Variants in VPS13B observed in about 807,000 individuals in gnomAD.
The protein encoded by VPS13B is intermembrane lipid transfer protein VPS13B.
VPS13B carries 285 observed loss-of-function variants against 426.4 expected under a neutral mutation model. That is an observed-to-expected ratio of 0.67 (90% confidence interval 0.61 to 0.74). VPS13B has a LOEUF of 0.74. VPS13B is among the 30% of genes least tolerant of loss of function. VPS13B has a pLI of 0.00. For missense variants in VPS13B, 4,537 were observed against 4,782.6 expected, an observed-to-expected ratio of 0.95 and a Z score of 1.51; for synonymous variants, 1,676 against 1,676.4, an observed-to-expected ratio of 1.00 and a Z score of 0.01.
chr8:99,242,126 G>A (rs1338935792), intron 17 of VPS13B, among the ~76,000 whole-genome samples: 3 of 151,988 alleles, frequency 2.0e-5, no homozygotes, highest in East Asian at 1.9e-4. Flanking sequence ...GATTACAGGC[G>A]TCCGCCACCA....
At chr8:99,859,665 CTACTTGCCTCTGGTGTG>C (rs1243541601) in intron 57 of VPS13B, among the ~76,000 whole-genome samples, 185 bp downstream of exon 57, 2 of 152,104 alleles carry the variant, frequency 1.3e-5, no homozygotes, top group African/African-American at 4.8e-5. Flanking sequence ...GAACAGATCA[CTACTTGCCTCTGGTGTG>C]TGAAAATGTT....
chr8:99,642,603 C>A (rs1829414170), intron 34 of VPS13B, 105 bp downstream of exon 34: 2 of 990,496 alleles, frequency 2.0e-6, no homozygotes, highest in Non-Finnish European at 1.5e-6. Flanking sequence ...AGACAAAAGT[C>A]TTTTCTCTAC....
chr8:99,160,106 G>A (rs914575100), intron 15 of VPS13B, among the ~76,000 whole-genome samples: 8 of 152,130 alleles, frequency 5.3e-5, no homozygotes, highest in East Asian at 1.9e-4. Context: ...TTGTATTGTG[G>A]TGATGTGGAA....
intron 17 of VPS13B, among the ~76,000 whole-genome samples, chr8:99,205,303 A>G (rs976092494): frequency 2.0e-5 from 3 of 152,252 alleles, no homozygotes; most frequent in Admixed American, 6.5e-5. Context: ...GAGCTGAACA[A>G]TGGAAACACA....
intron 19 of VPS13B, among the ~76,000 whole-genome samples, chr8:99,311,228 C>T (rs890586284): frequency 2.0e-5 from 3 of 152,110 alleles, no homozygotes; most frequent in African/African-American, 7.2e-5. Flanking sequence ...AATGTGTTTG[C>T]TCTTGCTTCT....
At chr8:99,056,768 CTCTA>C (rs979743907) in intron 3 of VPS13B, among the ~76,000 whole-genome samples, 6 of 152,068 alleles carry the variant, frequency 3.9e-5, no homozygotes, top group African/African-American at 1.2e-4. Flanking sequence ...TTGTTTAATG[CTCTA>C]TCTTTGTGCT....
intron 3 of VPS13B, among the ~76,000 whole-genome samples, chr8:99,080,084 A>G (rs1192333118): frequency 6.6e-6 from 1 of 150,870 alleles, no homozygotes; most frequent in Non-Finnish European, 1.5e-5. Flanking sequence ...TATAACATTA[A>G]TGTTTCTTTT....
intron 39 of VPS13B, among the ~76,000 whole-genome samples, chr8:99,735,975 G>A (rs1833811227): frequency 6.6e-6 from 1 of 152,138 alleles, no homozygotes; most frequent in Admixed American, 6.5e-5. Flanking sequence ...TCTGCGCTTG[G>A]GTCGCAGTGG....
intron 47 of VPS13B, among the ~76,000 whole-genome samples, chr8:99,819,167 T>G (rs1169789539): frequency 6.6e-6 from 1 of 152,072 alleles, no homozygotes; most frequent in East Asian, 1.9e-4. Context: ...AATTTAGGTT[T>G]CATTGACACA....
intron 19 of VPS13B, among the ~76,000 whole-genome samples, chr8:99,329,268 C>A (rs1277989310): frequency 6.6e-6 from 1 of 151,922 alleles, no homozygotes; most frequent in African/African-American, 2.4e-5. Context: ...TAGTTTGGGG[C>A]ATATTCTGAA....
chr8:99,306,198 G>A (rs1419370877), intron 19 of VPS13B, among the ~76,000 whole-genome samples: 1 of 152,030 alleles, frequency 6.6e-6, no homozygotes, highest in African/African-American at 2.4e-5. Context: ...AGAGGTCAGT[G>A]AACTATGTGG....
chr8:99,333,743 T>C (rs1051774943), intron 19 of VPS13B, among the ~76,000 whole-genome samples: 1 of 151,978 alleles, frequency 6.6e-6, no homozygotes, highest in Non-Finnish European at 1.5e-5. Context: ...AATTTTGTCA[T>C]TTCAAGAATG....
intron 17 of VPS13B, among the ~76,000 whole-genome samples, chr8:99,260,376 A>T (rs1817979682): frequency 6.6e-6 from 1 of 152,074 alleles, no homozygotes. Context: ...TAGGAAAAAC[A>T]AACCTAAACC....
chr8:99,785,684 T>G (rs1812221453), intron 43 of VPS13B, among the ~76,000 whole-genome samples: 1 of 152,168 alleles, frequency 6.6e-6, no homozygotes, highest in Admixed American at 6.6e-5. Flanking sequence ...TTGTTTCAAA[T>G]TCATCTATGT....
chr8:99,459,325 T>C lies in VPS13B; in HGVS notation c.3446-8089T>C, dbSNP rs374106978. Among the ~76,000 whole-genome samples the C allele has an allele frequency of 4.5e-4, 68 of 152,310 alleles. No homozygotes were observed. In the East Asian group the frequency reaches 0.012, roughly 26 times the overall value. On this transcript the variant is annotated intron_variant, in intron 23 of 61. Transcript: ENST00000357162. ...CTATCAATTATGGAGAGCAGGGTATTGAAATCTTCAAGTGTTATTTTTTAG... is the reference window on the plus strand; with the variant it reads ...CTATCAATTATGGAGAGCAGGGTATCGAAATCTTCAAGTGTTATTTTTTAG...
chr8:99,832,458 C>A lies in VPS13B; in HGVS notation c.9420C>A (p.Asp3140Glu). 6.2e-7 allele frequency: 1 copy of A among 1,604,152 alleles called. No individual in the cohort carries two copies. The highest frequency in any genetic ancestry group is 8.5e-7 in the Non-Finnish European group (1 of 1,176,414). The change falls in exon 52 of 62, where the codon GAC (aspartate) becomes GAA (glutamate). Residue 3140 changes from aspartate (D) to glutamate (E), a missense_variant. Asp to Glu is a conservative substitution (Grantham distance 45). This residue lies in a region of VPS13B where 4,311 missense variants were observed against 4,474.3 expected (regional missense o/e 0.96). Coordinates refer to ENST00000357162, the MANE Select transcript of VPS13B (RefSeq NM_152564.5). ...AATCCAGCTCCCTTCCTTGCTGGGA[C>A]TTGATGCCTGACATCAGTCAGTCAG... ...AMKSSSLPCW[D>E]LMPDISQSVL...
chr8:99,467,755 T>G, intron 24 of VPS13B, 121 bp downstream of exon 24: 13 of 1,033,628 alleles, frequency 1.3e-5, no homozygotes, highest in Non-Finnish European at 1.6e-5. Flanking sequence ...AACTTGGCCA[T>G]CAAGATCAGG....
At chr8:99,493,050 A>G (rs1275769843) in intron 25 of VPS13B, among the ~76,000 whole-genome samples, 1 of 152,140 alleles carries the variant, frequency 6.6e-6, no homozygotes, top group African/African-American at 2.4e-5. Flanking sequence ...TATTCTCTTA[A>G]TGTGACTAAT....
chr8:99,166,221 C>T (rs912346861), intron 15 of VPS13B, among the ~76,000 whole-genome samples: 1 of 152,110 alleles, frequency 6.6e-6, no homozygotes, highest in East Asian at 1.9e-4. Context: ...GCTCGTGATC[C>T]ACCCACCTCT....
Sources: allele counts gnomAD v4.1 joint callset (sites outside exome capture counted in the v4.1 genomes callset), GRCh38; gene constraint gnomAD v4.1.1; regional missense constraint gnomAD v4.1.1; transcripts MANE v1.5; gene names NCBI Gene and HGNC (gene_info 2026-07-23, HGNC 2026-07-21).